Variants in GLCE observed in about 807,000 individuals in gnomAD.
The protein encoded by GLCE is D-glucuronyl C5-epimerase.
A neutral mutation model predicts 47.9 loss-of-function variants in GLCE; 19 were observed. The observed-to-expected ratio is 0.40, with a 90% CI of 0.28 to 0.58. The LOEUF (loss-of-function observed/expected upper bound fraction) is 0.58. GLCE is among the 20% of genes least tolerant of loss of function. The probability of loss-of-function intolerance (pLI) is 0.48; values close to 1 mark genes in which losing one functional copy is unlikely to be tolerated. For missense variants in GLCE, 556 were observed against 743.3 expected, an observed-to-expected ratio of 0.75 and a Z score of 2.93; for synonymous variants, 245 against 263.4, an observed-to-expected ratio of 0.93 and a Z score of 0.68.
chr15:69,250,444 T>G (rs2052822930), intron 2 of GLCE, among the ~76,000 whole-genome samples: 1 of 152,198 alleles, frequency 6.6e-6, no homozygotes, highest in Admixed American at 6.5e-5. Flanking sequence ...TCTACAAATT[T>G]TTAACTGACT....
chr15:69,168,314 C>T (rs573370243), intron 1 of GLCE, among the ~76,000 whole-genome samples: 10 of 152,096 alleles, frequency 6.6e-5, no homozygotes, highest in Non-Finnish European at 1.3e-4. Context: ...ATAAGACCCT[C>T]CAGGATAGGG....
Position 69,269,539 on chromosome 15 carries a change from T to C in GLCE, c.*295T>C. The C allele has an allele frequency of 3.0e-6, 1 of 330,020 alleles. No individual in the cohort carries two copies. The highest frequency in any genetic ancestry group is 6.4e-5 in the South Asian group (1 of 15,614). 20.4% of individuals were successfully genotyped at this position (330,020 alleles called of 1,614,324 possible). On this transcript the variant is annotated 3_prime_UTR_variant, in exon 5 of 5. Transcript: ENST00000261858. ...TTTCGCAGATAGTCTAGTCACTCTA[T>C]GTGAGAAAGATAATGGTAAGTAGTT...
Position 69,261,175 on chromosome 15 carries a change from TCTAA to T in GLCE, c.678_681del (p.Thr227ArgfsTer6). 3.7e-6 allele frequency: 6 copies of T among 1,614,044 alleles called. No homozygotes were observed. Among genetic ancestry groups the T allele is most frequent in the Non-Finnish European group, 5.1e-6 (6 of 1,179,950 alleles). ...ATGGATTAAGTCATTACAGCAAGAA[TCTAA>T]CTGAGAAACCTCCTCACATAGAGGT... On this transcript the variant is annotated frameshift_variant, in exon 4 of 5. Coordinates refer to ENST00000261858, the MANE Select transcript of GLCE (RefSeq NM_015554.3). LOFTEE classifies it high-confidence loss of function.
chr15:69,269,126 A>G lies in GLCE; in HGVS notation c.1736A>G (p.His579Arg). The change falls in exon 5 of 5, where the codon CAT becomes CGT. Residue 579 changes from histidine to arginine, a missense_variant. Around this residue, in one of 3 missense-constraint regions of GLCE, gnomAD observed 245 missense variants for 368.1 expected, o/e 0.67. Coordinates refer to ENST00000261858, the MANE Select transcript of GLCE (RefSeq NM_015554.3). ...CCTAACCTGGCTCGCTGGGACTATC[A>G]TACCACCCACATCAATCAGTTGCAG... The part of the protein sequence containing the change: ...IAPNLARWDY[H>R]TTHINQLQLL... 6.2e-7 allele frequency: 1 copy of G among 1,614,086 alleles called. No homozygotes were observed. Among genetic ancestry groups the G allele is most frequent in the African/African-American group, 1.3e-5 (1 of 75,026 alleles).
At chr15:69,187,834 G>A (rs1483829743) in intron 1 of GLCE, among the ~76,000 whole-genome samples, 4 of 152,058 alleles carry the variant, frequency 2.6e-5, no homozygotes, top group South Asian at 4.1e-4. Context: ...AGGCCCAGGC[G>A]GGTGGATTGC....
chr15:69,235,093 C>CTTTTTTTTTTTTTT (rs869212730), intron 2 of GLCE, among the ~76,000 whole-genome samples: 4 of 62,882 alleles, frequency 6.4e-5, no homozygotes, highest in African/African-American at 2.2e-4. Flanking sequence ...GAAGATTATT[C>CTTTTTTTTTTTTTT]TTTTTTTTTT....
At chr15:69,195,351 TA>T (rs1331376173) in intron 1 of GLCE, among the ~76,000 whole-genome samples, 15 of 151,696 alleles carry the variant, frequency 9.9e-5, no homozygotes, top group African/African-American at 2.7e-4. Context: ...AAAAGAGAAG[TA>T]AAAAAATACG....
rs1377328656 is a variant in GLCE, at chr15:69,240,315, AGAAAT to A, written c.-13-15478_-13-15474del. Among the ~76,000 whole-genome samples the A allele has an allele frequency of 1.6e-4, 12 of 76,306 alleles. No homozygotes were observed. In the Admixed American group the frequency reaches 1.6e-3, roughly 10 times the overall value. The allele number at this position is 76,306 out of a possible 152,430, so 50.1% of individuals were successfully genotyped here. A position where few individuals can be genotyped will look rare whatever the true frequency, so the allele number is the denominator to read the frequency against. On this transcript the variant is annotated intron_variant, in intron 2 of 4. Coordinates refer to ENST00000261858, the MANE Select transcript of GLCE (RefSeq NM_015554.3). ...AAAAAAAAAAAAAAAAAAAAAGAAA[AGAAAT>A]ATTGAGGAGACAGACTCTGAAATAA...
Position 69,268,626 on chromosome 15 carries a change from A to G in GLCE, c.1236A>G (p.Leu412=), listed in dbSNP as rs2053120261. The G allele has an allele frequency of 6.2e-7, 1 of 1,614,086 alleles. No homozygotes were observed. Among genetic ancestry groups the G allele is most frequent in the Admixed American group, 1.7e-5 (1 of 60,004 alleles). ...CATTTTTTGCTGCTAGTGATTGGCT[A>G]GTAAGGAACCAGGATGAGAAAGGTG... ...MAAFFAASDW[L]VRNQDEKGGW... is the part of the protein sequence containing the mutation. The change falls in exon 5 of 5, where the codon CTA becomes CTG. Residue 412 remains leucine (L), a synonymous_variant. Coordinates refer to ENST00000261858, the MANE Select transcript of GLCE (RefSeq NM_015554.3).
rs577462620 is a variant in GLCE, at chr15:69,172,814, C to T, written c.-105+12057C>T. Among the ~76,000 whole-genome samples the T allele has an allele frequency of 2.0e-5, 3 of 152,330 alleles. No homozygotes were observed. In the South Asian group the frequency reaches 6.2e-4, roughly 32 times the overall value. ...TTGTAAGGGAATGCTGGTATATATACAGAATCAGCATCTTCACTCTTACTG... is the reference window on the plus strand; with the variant it reads ...TTGTAAGGGAATGCTGGTATATATATAGAATCAGCATCTTCACTCTTACTG... On this transcript the variant is annotated intron_variant, in intron 1 of 4. Transcript: ENST00000261858.
chr15:69,194,269 A>G (rs1595747768), intron 1 of GLCE, among the ~76,000 whole-genome samples: 2 of 152,260 alleles, frequency 1.3e-5, no homozygotes, highest in East Asian at 3.9e-4. Flanking sequence ...GAATTTTAAT[A>G]TGGGTCAGAG....
chr15:69,197,344 G>A (rs962989914), intron 1 of GLCE: 15 of 243,284 alleles, frequency 6.2e-5, no homozygotes, highest in African/African-American at 2.7e-4. Context: ...AGAGTTTATC[G>A]AATCCCAGAT....
intron 1 of GLCE, among the ~76,000 whole-genome samples, chr15:69,172,056 T>C (rs2051596887): frequency 6.6e-6 from 1 of 152,226 alleles, no homozygotes; most frequent in Non-Finnish European, 1.5e-5. Flanking sequence ...CTCAGCTTTC[T>C]CTAATGTTCA....
intron 1 of GLCE, among the ~76,000 whole-genome samples, chr15:69,182,324 T>TC (rs2051761930): frequency 6.6e-6 from 1 of 150,580 alleles, no homozygotes; most frequent in African/African-American, 2.4e-5. Flanking sequence ...AGAGTGCATG[T>TC]CCATCCAGCC....
chr15:69,265,050 G>A (rs899675481), intron 4 of GLCE, among the ~76,000 whole-genome samples: 4 of 152,020 alleles, frequency 2.6e-5, no homozygotes, highest in African/African-American at 9.7e-5. Flanking sequence ...AGTCCCACTT[G>A]TTTTTCTGTG....
rs746785266 is a variant in GLCE, at chr15:69,256,307, CT to C, written c.502del (p.Tyr168IlefsTer24). ...CCAAAGTCTATGCACAGAGAGCCCC[CT>C]ATCACCCCGATGGTGTGTTTATGTC... ...YSKVYAQRAPYHPDGVFMSFE... is the reference protein window; with the variant it reads ...YSKVYAQRAPXHPDGVFMSFE... On this transcript the variant is annotated frameshift_variant, in exon 3 of 5. Transcript: ENST00000261858. LOFTEE classifies it high-confidence loss of function. 6.2e-7 allele frequency: 1 copy of C among 1,614,016 alleles called. No individual in the cohort carries two copies.
At chr15:69,249,076 A>G (rs1412144686) in intron 2 of GLCE, among the ~76,000 whole-genome samples, 1 of 152,206 alleles carries the variant, frequency 6.6e-6, no homozygotes, top group East Asian at 1.9e-4. Flanking sequence ...TGATGGGGTG[A>G]GAACTGGTAT....
At chr15:69,251,599 T>C (rs926875727) in intron 2 of GLCE, among the ~76,000 whole-genome samples, 1 of 152,208 alleles carries the variant, frequency 6.6e-6, no homozygotes, top group Non-Finnish European at 1.5e-5. Context: ...GGGTTTTTGA[T>C]TTGTTCTGAA....
chr15:69,163,080 G>A (rs906153262), intron 1 of GLCE, among the ~76,000 whole-genome samples: 3 of 152,208 alleles, frequency 2.0e-5, no homozygotes, highest in African/African-American at 7.2e-5. Context: ...ATACCTGGTT[G>A]ACATTTACAG....
Sources: gnomAD v4.1 joint callset for allele counts (sites outside exome capture counted in the v4.1 genomes callset) on GRCh38, gnomAD v4.1.1 for gene constraint, gnomAD v4.1.1 regional missense constraint, MANE v1.5 for transcripts, NCBI Gene and HGNC (gene_info 2026-07-23, HGNC 2026-07-21) for gene names.